Variants in SGCZ observed in about 807,000 individuals in gnomAD.
SGCZ encodes sarcoglycan zeta.
In SGCZ, 40 loss-of-function variants were observed where a neutral mutation model predicts 41.3. That is an observed-to-expected ratio of 0.97 (90% CI 0.75 to 1.26). The LOEUF (loss-of-function observed/expected upper bound fraction) is 1.26. Ranked by LOEUF, SGCZ falls within the 50% of genes most tolerant of loss-of-function variation. SGCZ has a pLI of 0.00. For synonymous variants in SGCZ, 206 were observed against 137.5 expected, an observed-to-expected ratio of 1.50 and a Z score of -3.49; for missense variants, 552 against 369.8, an observed-to-expected ratio of 1.49 and a Z score of -4.04.
intron 1 of SGCZ, among the ~76,000 whole-genome samples, chr8:14,680,568 G>C (rs1563198834): frequency 6.6e-6 from 1 of 151,580 alleles, no homozygotes; most frequent in Non-Finnish European, 1.5e-5. Flanking sequence ...AAATCTCACA[G>C]ATATAATTAG....
At chr8:14,327,488 T>A (rs1033769735) in intron 2 of SGCZ, among the ~76,000 whole-genome samples, 1 of 152,162 alleles carries the variant, frequency 6.6e-6, no homozygotes, top group Non-Finnish European at 1.5e-5. Context: ...ATACCTAATT[T>A]CACTGGGAGA....
intron 1 of SGCZ, among the ~76,000 whole-genome samples, chr8:14,797,596 G>C (rs1801177280): frequency 1.3e-5 from 2 of 152,344 alleles, no homozygotes; most frequent in East Asian, 3.9e-4. Context: ...TTCTGGGAGA[G>C]AAATTCAAAC....
At chr8:14,493,394 G>T in intron 2 of SGCZ, among the ~76,000 whole-genome samples, 1 of 39,798 alleles carries the variant, frequency 2.5e-5, no homozygotes, top group Non-Finnish European at 4.7e-5. Flanking sequence ...TTTTGATGGA[G>T]TCTCATTGTG....
chr8:14,537,763 T>A (rs182971904), intron 2 of SGCZ, among the ~76,000 whole-genome samples: 1 of 152,030 alleles, frequency 6.6e-6, no homozygotes, highest in East Asian at 1.9e-4. Flanking sequence ...ACAGGGAAAT[T>A]GCTGCCATGA....
At chr8:14,111,430 C>G (rs1452299815) in intron 5 of SGCZ, among the ~76,000 whole-genome samples, 1 of 151,964 alleles carries the variant, frequency 6.6e-6, no homozygotes, top group East Asian at 1.9e-4. Context: ...ATCACAGGCT[C>G]TAGAAACCAT....
intron 1 of SGCZ, among the ~76,000 whole-genome samples, chr8:15,223,026 A>G (rs1463903851): frequency 6.6e-6 from 1 of 152,174 alleles, no homozygotes; most frequent in Non-Finnish European, 1.5e-5. Context: ...ACAATTTGGG[A>G]AATATTTTTC....
intron 1 of SGCZ, among the ~76,000 whole-genome samples, chr8:14,829,302 G>C (rs1424141299): frequency 7.2e-6 from 1 of 139,250 alleles, no homozygotes. Context: ...TTAAAAAACT[G>C]CATTGACATC....
rs1442629441 is a variant in SGCZ at position 14,255,199 on chromosome 8, C to T, written c.337-17520G>A. Reference sequence around the variant, plus strand: ...AAGATTTCCTCTTTTGGTTCACCCACTGCCATACTCCCAGGAATCATTCCA... The same window carrying T: ...AAGATTTCCTCTTTTGGTTCACCCATTGCCATACTCCCAGGAATCATTCCA... On this transcript the variant is annotated intron_variant, in intron 3 of 7. Transcript: ENST00000382080. Among the ~76,000 whole-genome samples, 6 of 152,126 alleles carry T rather than the reference C, an allele frequency of 3.9e-5. No homozygotes were observed. In the East Asian group the frequency reaches 1.2e-3, roughly 29 times the overall value.
intron 1 of SGCZ, among the ~76,000 whole-genome samples, chr8:14,724,098 T>C (rs1809975845): frequency 1.3e-5 from 2 of 152,162 alleles, no homozygotes; most frequent in South Asian, 4.1e-4. Context: ...AATTATGATG[T>C]AAAACTAGTG....
At chr8:15,023,580 A>G (rs1400317295) in intron 1 of SGCZ, among the ~76,000 whole-genome samples, 1 of 152,218 alleles carries the variant, frequency 6.6e-6, no homozygotes, top group Non-Finnish European at 1.5e-5. Flanking sequence ...CAAAATATGT[A>G]CAGCAATTAA....
chr8:14,620,119 C>T (rs1474512926), intron 1 of SGCZ, among the ~76,000 whole-genome samples: 1 of 152,048 alleles, frequency 6.6e-6, no homozygotes, highest in African/African-American at 2.4e-5. Context: ...AGAACAGAGC[C>T]CTCCAAATAA....
chr8:14,656,968 T>C (rs1220521243), intron 1 of SGCZ, among the ~76,000 whole-genome samples: 3 of 151,990 alleles, frequency 2.0e-5, no homozygotes, highest in African/African-American at 7.3e-5. Context: ...AGAAGACATA[T>C]AAACTCTATT....
At chr8:15,148,011 G>A (rs769867877) in intron 1 of SGCZ, among the ~76,000 whole-genome samples, 3 of 152,026 alleles carry the variant, frequency 2.0e-5, no homozygotes, top group Non-Finnish European at 4.4e-5. Flanking sequence ...GTGGTCCTGT[G>A]GTCCAAATTT....
At chr8:14,463,812 T>C (rs557643887) in intron 2 of SGCZ, among the ~76,000 whole-genome samples, 2 of 151,586 alleles carry the variant, frequency 1.3e-5, no homozygotes, top group African/African-American at 2.4e-5. Context: ...GTTTTTTGAG[T>C]TTTTTATTAT....
intron 1 of SGCZ, among the ~76,000 whole-genome samples, chr8:15,114,827 C>T (rs571224477): frequency 6.6e-6 from 1 of 151,084 alleles, no homozygotes; most frequent in Non-Finnish European, 1.5e-5. Context: ...GTTGCCCAGA[C>T]AAAAATGTCA....
chr8:14,438,822 T>A (rs1280095370), intron 2 of SGCZ, among the ~76,000 whole-genome samples: 1 of 152,072 alleles, frequency 6.6e-6, no homozygotes, highest in African/African-American at 2.4e-5. Flanking sequence ...CTTAACATCA[T>A]ATTCTTCGAC....
intron 1 of SGCZ, among the ~76,000 whole-genome samples, chr8:14,803,099 C>T (rs1207777658): frequency 2.6e-5 from 4 of 152,192 alleles, no homozygotes; most frequent in African/African-American, 9.7e-5. Flanking sequence ...GGGCCTCAGG[C>T]AGTCACTGAC....
At chr8:14,135,904 T>C (rs1585167088) in intron 5 of SGCZ, among the ~76,000 whole-genome samples, 1 of 151,546 alleles carries the variant, frequency 6.6e-6, no homozygotes, top group African/African-American at 2.4e-5. Flanking sequence ...AAAACGTTTA[T>C]AAAAGGAGTT....
chr8:14,254,050 T>C (rs1402211865), intron 3 of SGCZ, among the ~76,000 whole-genome samples: 4 of 152,304 alleles, frequency 2.6e-5, no homozygotes, highest in Admixed American at 2.6e-4. Flanking sequence ...ATATTAAATA[T>C]GTTACAACCT....
Sources: gnomAD v4.1 joint callset for allele counts (sites outside exome capture counted in the v4.1 genomes callset) on GRCh38, gnomAD v4.1.1 for gene constraint, MANE v1.5 for transcripts, NCBI Gene and HGNC (gene_info 2026-07-23, HGNC 2026-07-21) for gene names.